TFRC: variants seen among roughly 807,000 people sequenced by gnomAD.
TFRC encodes transferrin receptor protein 1.
TFRC carries 35 observed loss-of-function variants against 85.8 expected under a neutral mutation model. The ratio of observed to expected loss-of-function variants is 0.41; its 90% CI spans 0.31 to 0.54. The LOEUF (loss-of-function observed/expected upper bound fraction) is 0.54. Ranked by LOEUF, TFRC falls within the 20% of genes least tolerant of loss-of-function variation. The probability of loss-of-function intolerance (pLI) is 0.31; values close to 1 mark genes in which losing one functional copy is unlikely to be tolerated. For synonymous variants in TFRC, 362 were observed against 328.6 expected (o/e 1.10, Z -1.10); for missense variants, 828 against 921.5 (o/e 0.90, Z 1.31).
At chr3:196,067,799 C>T in intron 8 of TFRC, 142 bp from the exon 9 acceptor site, 1 of 961,040 alleles carries the variant, frequency 1.0e-6, no homozygotes, top group Non-Finnish European at 1.5e-6. Context: ...TACAATGTGA[C>T]TCCTGTTTTC....
chr3:196,081,184 T>C (rs533020864), intron 1 of TFRC, among the ~76,000 whole-genome samples: 3 of 152,286 alleles, frequency 2.0e-5, no homozygotes, highest in East Asian at 3.9e-4. Flanking sequence ...ACACCGCTAA[T>C]CTCCAAGTAT....
chr3:196,058,646 A>G lies in TFRC; in HGVS notation c.1537-14T>C. ...CGGATGCTTCACCTGTAAGATAAGA[A>G]ATTATCATTAAAACTAACCTTTTGG... On this transcript the variant is annotated splice_polypyrimidine_tract_variant and intron_variant, in intron 14 of 18. Transcript: ENST00000360110. The G allele has an allele frequency of 9.4e-6, 15 of 1,600,606 alleles. No homozygotes were observed. Among genetic ancestry groups the G allele is most frequent in the Non-Finnish European group, 1.3e-5 (15 of 1,172,228 alleles).
chr3:196,064,492 T>C (rs1031487653), intron 10 of TFRC, 64 bp from the exon 11 acceptor site: 3 of 1,479,054 alleles, frequency 2.0e-6, no homozygotes, highest in Admixed American at 2.4e-5. Flanking sequence ...TTTCTAGAAT[T>C]AGCACATCAG....
intron 3 of TFRC, among the ~76,000 whole-genome samples, chr3:196,074,631 A>G (rs41301351): frequency 6.6e-6 from 1 of 152,304 alleles, no homozygotes; most frequent in East Asian, 1.9e-4. Flanking sequence ...CTGTAATCCC[A>G]GCACTCTGGG....
intron 5 of TFRC, 117 bp from the exon 6 acceptor site, chr3:196,071,615 G>T: frequency 9.5e-7 from 1 of 1,057,348 alleles, no homozygotes; most frequent in Non-Finnish European, 1.4e-6. Context: ...TAAATCTTAA[G>T]CTTGATTTTT....
At chr3:196,056,984 A>G (rs1413702637) in intron 16 of TFRC, among the ~76,000 whole-genome samples, 7 of 152,120 alleles carry the variant, frequency 4.6e-5, no homozygotes, top group Admixed American at 4.6e-4. Context: ...ACTATGTCCG[A>G]CTAATTTTTG....
chr3:196,081,630 C>G (rs1290453040), intron 1 of TFRC, among the ~76,000 whole-genome samples: 1 of 152,214 alleles, frequency 6.6e-6, no homozygotes, highest in Non-Finnish European at 1.5e-5. Context: ...CCGGAGCCGG[C>G]GCACTAGGGC....
In TFRC at chr3:196,050,433, C is replaced by G. The variant is rs1190804218; in HGVS notation, c.*1509G>C. ...ATACATGTTAGATACTAACGATCTT[C>G]AAGCTTTGAAGATGTCATTGCATGA... On this transcript the variant is annotated 3_prime_UTR_variant, in exon 19 of 19. Coordinates refer to ENST00000360110, the MANE Select transcript of TFRC (RefSeq NM_001128148.3). 1 of 209,378 alleles carries G rather than the reference C, an allele frequency of 4.8e-6. No individual in the cohort carries two copies. The highest frequency in any genetic ancestry group is 9.7e-6 in the Non-Finnish European group (1 of 102,714). 13.0% of individuals were successfully genotyped at this position (209,378 alleles called of 1,614,324 possible).
intron 13 of TFRC, 179 bp downstream of exon 13, chr3:196,062,402 GA>G (rs373139912): frequency 3.7e-5 from 22 of 587,482 alleles, no homozygotes; most frequent in Admixed American, 3.3e-4. Context: ...GTGTGGTAGT[GA>G]GCACCTGTAA....
chr3:196,078,518 G>A (rs1055716379), intron 1 of TFRC, among the ~76,000 whole-genome samples: 2 of 151,842 alleles, frequency 1.3e-5, no homozygotes, highest in African/African-American at 2.4e-5. Context: ...TTAGATGGGC[G>A]TGGTGGTGGG....
At chr3:196,061,313 T>C (rs1047948782) in intron 13 of TFRC, among the ~76,000 whole-genome samples, 1 of 152,256 alleles carries the variant, frequency 6.6e-6, no homozygotes, top group Non-Finnish European at 1.5e-5. Context: ...GTTTAGTTTC[T>C]TCTCACCTCA....
At position 196,050,201 on chromosome 3, in the gene TFRC, T is replaced by C; in HGVS notation, c.*1741A>G. The C allele has an allele frequency of 4.4e-6, 1 of 226,536 alleles. No individual in the cohort carries two copies. The highest frequency in any genetic ancestry group is 8.8e-6 in the Non-Finnish European group (1 of 113,834). 14.0% of individuals were successfully genotyped at this position (226,536 alleles called of 1,614,324 possible). A position where few individuals can be genotyped will look rare whatever the true frequency, so the allele number is the denominator to read the frequency against. ...AATAATGTGATAAAGTTAAAATGAC[T>C]TGTCAATAGCAAACATTATAAATGT... On this transcript the variant is annotated 3_prime_UTR_variant, in exon 19 of 19. Transcript: ENST00000360110.
chr3:196,056,190 C>CA (rs72596505), intron 16 of TFRC, among the ~76,000 whole-genome samples: 5 of 134,514 alleles, frequency 3.7e-5, no homozygotes, highest in Admixed American at 7.3e-5. Context: ...GCCACTGGGC[C>CA]ACTTAATTTA....
At position 196,071,449 on chromosome 3, in the gene TFRC, G is replaced by C. The variant is rs41301381; in HGVS notation, c.634C>G (p.Leu212Val). 8.2e-4 allele frequency: 1,325 copies of C among 1,614,032 alleles called. 12 individuals carry two copies. The East Asian group carries it at 0.026, about 32-fold the overall frequency. The change falls in exon 6 of 19, where the codon CTG (leucine) becomes GTG (valine). Residue 212 changes from leucine to valine, a missense_variant. By Grantham distance (32) the Leu-to-Val change is conservative. Coordinates refer to ENST00000360110, the MANE Select transcript of TFRC (RefSeq NM_001128148.3). Reference sequence around the variant, plus strand: ...ACATAACCCCCAGGATTCTCCACCAGGTAAACAAGTCTACCGTTCTTATCA... The same window carrying C: ...ACATAACCCCCAGGATTCTCCACCACGTAAACAAGTCTACCGTTCTTATCA... ...IVDKNGRLVY[L>V]VENPGGYVAY...
At chr3:196,065,169 G>C (rs1717609666) in intron 10 of TFRC, among the ~76,000 whole-genome samples, 1 of 151,938 alleles carries the variant, frequency 6.6e-6, no homozygotes, top group African/African-American at 2.4e-5. Flanking sequence ...GGCTGAGGCA[G>C]GAGAATGGCT....
rs1553798484 is a variant in TFRC, at chr3:196,073,043, A to ACAAAC, written c.434+886_434+887insGTTTG. Among the ~76,000 whole-genome samples the ACAAAC allele has an allele frequency of 7.0e-5, 5 of 71,850 alleles. No individual in the cohort carries two copies. The East Asian group carries it at 1.2e-3, about 17-fold the overall frequency. The allele number at this position is 71,850 out of a possible 152,430, so 47.1% of individuals were successfully genotyped here. ...GGTGAAATCCCGTTTCTGCAAAAAAAAAAAAAAAAAAAAAAAACCCACAAA... is the reference window on the plus strand; with the variant it reads ...GGTGAAATCCCGTTTCTGCAAAAAAACAAACAAAAAAAAAAAAAAAAACCCACAAA... On this transcript the variant is annotated intron_variant, in intron 4 of 18. Transcript: ENST00000360110.
rs1184656094 is a variant in TFRC, at chr3:196,075,242, G to C, written c.155C>G (p.Thr52Arg). The change falls in exon 3 of 19, where the codon ACA (threonine) becomes AGA (arginine). Residue 52 changes from threonine (T) to arginine (R), a missense_variant. Thr to Arg is a moderately conservative substitution (Grantham distance 71, BLOSUM62 -1). Transcript: ENST00000360110. ...TTTTGGTTTTGTGACATTGGCCTTT[G>C]TGTTATTGTCAGCATTTTCTTCTTC... ...VDEEENADNN[T>R]KANVTKPKRC... 4 of 1,613,908 alleles carry C rather than the reference G, an allele frequency of 2.5e-6. No individual in the cohort carries two copies. In the Admixed American group the frequency reaches 6.7e-5, roughly 27 times the overall value.
In TFRC at chr3:196,070,774, AAAT is replaced by A. The variant is rs58386151; in HGVS notation, c.687+619_687+621del. Among the ~76,000 whole-genome samples, 297 of 135,808 alleles carry A rather than the reference AAAT, an allele frequency of 2.2e-3. 2 individuals are homozygous for A. The highest frequency in any genetic ancestry group is 3.7e-3 in the African/African-American group (141 of 37,614). 89.1% of individuals were successfully genotyped at this position (135,808 alleles called of 152,430 possible). A position where few individuals can be genotyped will look rare whatever the true frequency, so the allele number is the denominator to read the frequency against. On this transcript the variant is annotated intron_variant, in intron 6 of 18. Transcript: ENST00000360110. ...AACATGGCAAAACCCTGTCTCTACC[AAAT>A]AATAATAATAATAATAATAATAATA...
intron 7 of TFRC, among the ~76,000 whole-genome samples, chr3:196,068,888 GCCACTGCACT>G (rs1717955793): frequency 7.2e-6 from 1 of 139,674 alleles, no homozygotes; most frequent in Non-Finnish European, 1.5e-5. Context: ...CTGAGATCAC[GCCACTGCACT>G]CCAGCCAGGG....
Sources: gnomAD v4.1 joint callset for allele counts (sites outside exome capture counted in the v4.1 genomes callset) on GRCh38, gnomAD v4.1.1 for gene constraint, MANE v1.5 for transcripts, NCBI Gene and HGNC (gene_info 2026-07-23, HGNC 2026-07-21) for gene names.